PRPF39: variants seen among roughly 807,000 people sequenced by gnomAD.
The protein encoded by PRPF39 is pre-mRNA-processing factor 39.
A neutral mutation model predicts 82.1 loss-of-function variants in PRPF39; 27 were observed. The ratio of observed to expected loss-of-function variants is 0.33; its 90% CI spans 0.24 to 0.45. PRPF39 has a LOEUF of 0.45. Ranked by LOEUF, PRPF39 falls within the 20% of genes least tolerant of loss-of-function variation. PRPF39 has a pLI of 1.00. For missense variants in PRPF39, 581 were observed against 796.9 expected (o/e 0.73, Z 3.26); for synonymous variants, 261 against 256.4 (o/e 1.02, Z -0.17).
intron 8 of PRPF39, 82 bp downstream of exon 8, chr14:45,109,862 T>C: frequency 6.6e-7 from 1 of 1,522,724 alleles, no homozygotes; most frequent in East Asian, 2.4e-5. Context: ...TTCTGTTGAA[T>C]GTTGTTCATA....
intron 1 of PRPF39, 30 bp from the exon 2 acceptor site, chr14:45,095,191 G>C: frequency 1.4e-6 from 2 of 1,397,330 alleles, no homozygotes; most frequent in Non-Finnish European, 2.0e-6. Flanking sequence ...GCATTTGGAA[G>C]ATATTTCTCT....
chr14:45,088,251 A>G, intron 1 of PRPF39: 1 of 165,072 alleles, frequency 6.1e-6, no homozygotes, highest in Non-Finnish European at 1.3e-5. Context: ...CACTGTGATG[A>G]TGGCATTTCT....
rs1224289174 is a variant in PRPF39, at chr14:45,110,851, T to TA, written c.1572+41dup. The TA allele has an allele frequency of 4.6e-6, 7 of 1,510,010 alleles. No individual in the cohort carries two copies. The highest frequency in any genetic ancestry group is 4.3e-5 in the Admixed American group (2 of 46,810). 93.5% of individuals were successfully genotyped at this position (1,510,010 alleles called of 1,614,324 possible). A position where few individuals can be genotyped will look rare whatever the true frequency, so the allele number is the denominator to read the frequency against. Reference sequence around the variant, plus strand: ...TTGTATTTTTAAGAGTATCTTCTATTAAAAAAACCAGTGGTCAGTGTATTT... The same window carrying TA: ...TTGTATTTTTAAGAGTATCTTCTATTAAAAAAAACCAGTGGTCAGTGTATTT... On this transcript the variant is annotated intron_variant, in intron 10 of 13. Coordinates refer to ENST00000355765, the MANE Select transcript of PRPF39 (RefSeq NM_017922.4). The surrounding 1 kb of genome is among the most constrained non-coding windows in gnomAD (Gnocchi z 4.0).
At chr14:45,094,593 A>G (rs1385747824) in intron 1 of PRPF39, among the ~76,000 whole-genome samples, 1 of 152,222 alleles carries the variant, frequency 6.6e-6, no homozygotes, top group Non-Finnish European at 1.5e-5. Flanking sequence ...AGTAACATTT[A>G]TTCACTTTAA....
Position 45,108,578 on chromosome 14 carries a change from T to G in PRPF39, c.1011+56T>G, listed in dbSNP as rs903440212. ...AAATACAAAGTAGGAATAATTTATT[T>G]TTCTTTCAATTTTGATAGTACTATC... On this transcript the variant is annotated intron_variant, in intron 7 of 13. Transcript: ENST00000355765. The G allele has an allele frequency of 3.6e-5, 55 of 1,535,458 alleles. No individual in the cohort carries two copies. The Middle Eastern group carries it at 8.4e-4, about 23-fold the overall frequency.
chr14:45,110,985 A>G lies in PRPF39; in HGVS notation c.1572+168A>G. ...ATGTTGCCATTTAAAAATTTTTTTC[A>G]AATTGTTTTGAATTAAAAGTTTTAG... On this transcript the variant is annotated intron_variant, in intron 10 of 13. Transcript: ENST00000355765. This position sits in a 1 kb window ranked among gnomAD's most constrained non-coding sequence, Gnocchi z 4.0. The G allele has an allele frequency of 1.5e-6, 1 of 679,512 alleles. No homozygotes were observed. 42.1% of individuals were successfully genotyped at this position (679,512 alleles called of 1,614,324 possible). A position where few individuals can be genotyped will look rare whatever the true frequency, so the allele number is the denominator to read the frequency against.
At position 45,107,504 on chromosome 14, in the gene PRPF39, A is replaced by G; in HGVS notation, c.791A>G (p.Gln264Arg). 1 of 1,564,770 alleles carries G rather than the reference A, an allele frequency of 6.4e-7. No individual in the cohort carries two copies. ...NLPRDLLTGE[Q>R]FIQLRRELAS... ...CCTAGAGATCTTTTAACTGGTGAAC[A>G]GTTTATTCAGTTGCGAAGGGAATTA... Residue 264 changes from glutamine (Q) to arginine (R), a missense_variant, in exon 6 of 14, where the codon CAG (glutamine) becomes CGG (arginine). Coordinates refer to ENST00000355765, the MANE Select transcript of PRPF39 (RefSeq NM_017922.4).
At chr14:45,090,774 C>T (rs1164288097) in intron 1 of PRPF39, among the ~76,000 whole-genome samples, 1 of 151,762 alleles carries the variant, frequency 6.6e-6, no homozygotes, top group African/African-American at 2.4e-5. Context: ...CTTTCTCTAC[C>T]TGGTTAATAG....
At chr14:45,098,656 G>C (rs1468636401) in intron 4 of PRPF39, among the ~76,000 whole-genome samples, 1 of 152,032 alleles carries the variant, frequency 6.6e-6, no homozygotes, top group East Asian at 1.9e-4. Context: ...TATACAATCA[G>C]ATCTGTTAAA....
At chr14:45,111,781 G>T (rs1038452008) in intron 10 of PRPF39, among the ~76,000 whole-genome samples, 3 of 151,632 alleles carry the variant, frequency 2.0e-5, no homozygotes, top group African/African-American at 7.3e-5. Context: ...TGGGATTAAA[G>T]GTGTGCACCA....
chr14:45,108,793 A>G (rs1199113248), intron 7 of PRPF39, among the ~76,000 whole-genome samples: 3 of 152,202 alleles, frequency 2.0e-5, no homozygotes, highest in Non-Finnish European at 4.4e-5. Context: ...TTAAAAGTCA[A>G]CTTCTTGGGG....
At chr14:45,085,065 C>A (rs1883778036) in intron 1 of PRPF39, among the ~76,000 whole-genome samples, 1 of 152,170 alleles carries the variant, frequency 6.6e-6, no homozygotes, top group South Asian at 2.1e-4. Flanking sequence ...AACTTTGCTA[C>A]AGCTGGAAAG....
chr14:45,091,492 G>A (rs921280176), intron 1 of PRPF39, among the ~76,000 whole-genome samples: 11 of 152,070 alleles, frequency 7.2e-5, no homozygotes, highest in African/African-American at 1.9e-4. Flanking sequence ...TTTTGTATCC[G>A]TGTGACAATT....
rs578183998 is a variant in PRPF39 at position 45,095,574 on chromosome 14, A to G, written c.324+11A>G. 1.5e-5 allele frequency: 23 copies of G among 1,567,030 alleles called. No homozygotes were observed. Among genetic ancestry groups the G allele is most frequent in the Admixed American group, 5.8e-5 (3 of 51,616 alleles). On this transcript the variant is annotated intron_variant, in intron 2 of 13. Coordinates refer to ENST00000355765, the MANE Select transcript of PRPF39 (RefSeq NM_017922.4). The stretch of plus-strand genomic sequence containing the variant: ...TATGTAGAACAGGAGGTTAGTAACT[A>G]TTAAAATGGTATCAGAAGGGACAAA...
At chr14:45,108,318 A>G in intron 6 of PRPF39, 97 bp from the exon 7 acceptor site, 1 of 1,322,046 alleles carries the variant, frequency 7.6e-7, no homozygotes, top group South Asian at 2.0e-5. Context: ...TTCTAAGACT[A>G]AAATATCTGT....
At position 45,098,195 on chromosome 14, in the gene PRPF39, G is replaced by A. The variant is rs148614567; in HGVS notation, c.569+1190G>A. 5.6e-3 allele frequency among the ~76,000 whole-genome samples: 850 copies of A among 152,162 alleles called. 2 individuals carry two copies. The highest frequency in any genetic ancestry group is 7.4e-3 in the Non-Finnish European group (500 of 67,998). On this transcript the variant is annotated intron_variant, in intron 4 of 13. Coordinates refer to ENST00000355765, the MANE Select transcript of PRPF39 (RefSeq NM_017922.4). ...TTTGGGAGGCTGAAGTGGGAGGAGC[G>A]CTTGAGCCTGGGAGGTTGAGGCTGC...
rs781675667 is a variant in PRPF39, at chr14:45,114,288, G to A, written c.1832+31G>A. 51 of 1,503,830 alleles carry A rather than the reference G, an allele frequency of 3.4e-5. 1 individual carries two copies. Among genetic ancestry groups the A allele is most frequent in the Middle Eastern group, 1.7e-4 (1 of 5,796 alleles). The allele number at this position is 1,503,830 out of a possible 1,614,324, so 93.2% of individuals were successfully genotyped here. A position where few individuals can be genotyped will look rare whatever the true frequency, so the allele number is the denominator to read the frequency against. On this transcript the variant is annotated intron_variant, in intron 12 of 13. Transcript: ENST00000355765. ...TCACTTTTTGCTAAGTCAAGAAGGC[G>A]TGCTTCATTATGGAAATGCCTTCAA...
intron 5 of PRPF39, among the ~76,000 whole-genome samples, chr14:45,106,514 T>A (rs1448551701): frequency 6.6e-6 from 1 of 152,252 alleles, no homozygotes; most frequent in Non-Finnish European, 1.5e-5. Context: ...AATTTGTATG[T>A]ATACAAATTA....
In PRPF39 at chr14:45,110,990, G is replaced by T; in HGVS notation, c.1572+173G>T. On this transcript the variant is annotated intron_variant, in intron 10 of 13. Transcript: ENST00000355765. The surrounding 1 kb of genome is among the most constrained non-coding windows in gnomAD (Gnocchi z 4.0). ...GCCATTTAAAAATTTTTTTCAAATT[G>T]TTTTGAATTAAAAGTTTTAGACATT... 1 of 636,856 alleles carries T rather than the reference G, an allele frequency of 1.6e-6. No individual in the cohort carries two copies. Among genetic ancestry groups the T allele is most frequent in the Non-Finnish European group, 2.6e-6 (1 of 382,842 alleles). 39.5% of individuals were successfully genotyped at this position (636,856 alleles called of 1,614,324 possible).
Sources: gnomAD v4.1 joint callset for allele counts (sites outside exome capture counted in the v4.1 genomes callset) on GRCh38, gnomAD v4.1.1 for gene constraint, Gnocchi (gnomAD v3.1) non-coding constraint, MANE v1.5 for transcripts, NCBI Gene and HGNC (gene_info 2026-07-23, HGNC 2026-07-21) for gene names.